The following IGSF21 variants were observed in gnomAD, a reference collection of about 807,000 sequenced individuals.
The protein encoded by IGSF21 is immunoglobin superfamily member 21.
A neutral mutation model predicts 46.8 loss-of-function variants in IGSF21; 28 were observed. The ratio of observed to expected loss-of-function variants is 0.60; its 90% CI spans 0.44 to 0.82. The LOEUF is 0.82. Among genes scored for constraint, IGSF21 ranks in the 40% least tolerant of loss-of-function variants. The pLI is 0.00. For missense variants in IGSF21, 624 were observed against 665.5 expected, an observed-to-expected ratio of 0.94 and a Z score of 0.69; for synonymous variants, 284 against 273.6, an observed-to-expected ratio of 1.04 and a Z score of -0.38.
Position 18,365,301 on chromosome 1 carries a change from C to T in IGSF21, c.619C>T (p.Gln207Ter), listed in dbSNP as rs1252479733. The part of the protein sequence containing the change: ...EPPAASSGPL[Q>*]DSRPFRSLLH... ...ACCAGCTGCGAGCTCCGGCCCCCTA[C>T]AGGACAGCAGGCCCTTCCGCAGCCT... Residue 207 changes from glutamine to a stop codon, truncating the protein, a stop_gained, in exon 6 of 10, where the codon CAG becomes TAG. Transcript: ENST00000251296. LOFTEE classifies it high-confidence loss of function. The surrounding 1 kb of genome is among the most constrained non-coding windows in gnomAD (Gnocchi z 4.8). 1 of 1,614,130 alleles carries T rather than the reference C, an allele frequency of 6.2e-7. No individual in the cohort carries two copies. The highest frequency in any genetic ancestry group is 8.5e-7 in the Non-Finnish European group (1 of 1,180,006).
intron 4 of IGSF21, among the ~76,000 whole-genome samples, chr1:18,345,547 G>A (rs1569851440): frequency 6.6e-6 from 1 of 152,092 alleles, no homozygotes; most frequent in South Asian, 2.1e-4. Flanking sequence ...ACCACGTCCA[G>A]CTAATTTTTG....
At chr1:18,235,694 G>A (rs1007398664) in intron 2 of IGSF21, among the ~76,000 whole-genome samples, 1 of 152,214 alleles carries the variant, frequency 6.6e-6, no homozygotes. Flanking sequence ...GCCCTGTGCT[G>A]TAAGAAACTG....
intron 1 of IGSF21, among the ~76,000 whole-genome samples, chr1:18,213,712 A>G (rs2084415494): frequency 1.3e-5 from 2 of 152,214 alleles, no homozygotes; most frequent in Admixed American, 1.3e-4. Flanking sequence ...TACAAGACAG[A>G]AGCTTCAGAT....
chr1:18,353,412 G>C (rs184702935), intron 4 of IGSF21, among the ~76,000 whole-genome samples: 1 of 152,002 alleles, frequency 6.6e-6, no homozygotes, highest in Non-Finnish European at 1.5e-5. Context: ...TGGAAAATAC[G>C]TATTGAGCAA....
chr1:18,354,728 G>A lies in IGSF21; in HGVS notation c.425-7387G>A, dbSNP rs547170488. Among the ~76,000 whole-genome samples, 8 of 152,292 alleles carry A rather than the reference G, an allele frequency of 5.3e-5. No individual in the cohort carries two copies. In the South Asian group the frequency reaches 1.7e-3, roughly 32 times the overall value. On this transcript the variant is annotated intron_variant, in intron 4 of 9. Coordinates refer to ENST00000251296, the MANE Select transcript of IGSF21 (RefSeq NM_032880.5). ...GTAGAGTGGTACCCAATGAGCTGGA[G>A]AGATTTTCCCTTCCTCGAGACAATG...
At chr1:18,122,193 C>CTTTCTT (rs1557546170) in intron 1 of IGSF21, among the ~76,000 whole-genome samples, 1 of 78,762 alleles carries the variant, frequency 1.3e-5, no homozygotes, top group African/African-American at 4.7e-5. Flanking sequence ...TTCTTTCTTT[C>CTTTCTT]TTTTTTTTTT....
rs370428132 is a variant in IGSF21, at chr1:18,211,026, C to T, written c.71-16872C>T. 3.3e-5 allele frequency among the ~76,000 whole-genome samples: 5 copies of T among 152,276 alleles called. 1 individual carries two copies. Reference sequence around the variant, plus strand: ...AGCTAGGTTTACAAGTGTGCACCAACACACCCAGCTAATTTTTGTGTTTTT... The same window carrying T: ...AGCTAGGTTTACAAGTGTGCACCAATACACCCAGCTAATTTTTGTGTTTTT... On this transcript the variant is annotated intron_variant, in intron 1 of 9. Coordinates refer to ENST00000251296, the MANE Select transcript of IGSF21 (RefSeq NM_032880.5).
At chr1:18,193,271 G>T (rs1435769684) in intron 1 of IGSF21, among the ~76,000 whole-genome samples, 1 of 152,182 alleles carries the variant, frequency 6.6e-6, no homozygotes, top group Non-Finnish European at 1.5e-5. Flanking sequence ...CTGGAGCTGT[G>T]GTCAGGGGCC....
intron 6 of IGSF21, among the ~76,000 whole-genome samples, chr1:18,372,586 ATGTT>A (rs1335451508): frequency 2.1e-5 from 3 of 145,704 alleles, no homozygotes; most frequent in Non-Finnish European, 4.5e-5. Context: ...ATTTGGATGG[ATGTT>A]TGGAGGGATG....
chr1:18,147,349 C>T (rs11585532), intron 1 of IGSF21, among the ~76,000 whole-genome samples: 16,060 of 151,986 alleles, frequency 0.11, 1,460 homozygotes, highest in African/African-American at 0.24. Flanking sequence ...CACTCTGGCC[C>T]GCTTGCTTTC....
intron 1 of IGSF21, among the ~76,000 whole-genome samples, chr1:18,125,863 A>G (rs1050409461): frequency 1.3e-5 from 2 of 152,258 alleles, no homozygotes; most frequent in African/African-American, 4.8e-5. Flanking sequence ...TTGATGGAAT[A>G]TCTATGTTCC....
chr1:18,198,901 C>T (rs1338335280), intron 1 of IGSF21, among the ~76,000 whole-genome samples: 3 of 152,238 alleles, frequency 2.0e-5, no homozygotes, highest in African/African-American at 7.2e-5. Flanking sequence ...AGACCTCTCC[C>T]CTGCCCCCTC....
chr1:18,350,473 C>G lies in IGSF21; in HGVS notation c.425-11642C>G, dbSNP rs113307147. ...GGGAATGAGGCCTTGATCTGCCTCA[C>G]CAAGCTCTTTACAAAGATGCAATCC... On this transcript the variant is annotated intron_variant, in intron 4 of 9. Transcript: ENST00000251296. 8.9e-4 allele frequency among the ~76,000 whole-genome samples: 135 copies of G among 152,264 alleles called. 1 individual carries two copies. Among genetic ancestry groups the G allele is most frequent in the African/African-American group, 3.0e-3 (125 of 41,540 alleles).
intron 1 of IGSF21, among the ~76,000 whole-genome samples, chr1:18,151,642 C>T (rs532564384): frequency 6.6e-6 from 1 of 152,192 alleles, no homozygotes; most frequent in African/African-American, 2.4e-5. Context: ...GAGGATTTCA[C>T]AGGATGTCTG....
chr1:18,354,559 G>C (rs553622952), intron 4 of IGSF21, among the ~76,000 whole-genome samples: 1 of 152,222 alleles, frequency 6.6e-6, no homozygotes, highest in African/African-American at 2.4e-5. Flanking sequence ...AATAGAGCAG[G>C]CATGCTGAGA....
intron 1 of IGSF21, among the ~76,000 whole-genome samples, chr1:18,138,771 G>A (rs578061129): frequency 3.9e-5 from 6 of 152,272 alleles, no homozygotes; most frequent in Admixed American, 6.5e-5. Flanking sequence ...CTGCTCCCTC[G>A]CCACCACCAT....
At chr1:18,284,449 C>T (rs1190986890) in intron 2 of IGSF21, among the ~76,000 whole-genome samples, 2 of 152,242 alleles carry the variant, frequency 1.3e-5, no homozygotes, top group African/African-American at 4.8e-5. Flanking sequence ...TGCTCATCAC[C>T]TCCCACAGTC....
intron 1 of IGSF21, among the ~76,000 whole-genome samples, chr1:18,133,146 G>C (rs1485955052): frequency 2.6e-5 from 4 of 152,366 alleles, no homozygotes; most frequent in African/African-American, 9.6e-5. Flanking sequence ...TAAAGGAAGA[G>C]GGAGGGGGAA....
chr1:18,141,434 G>C (rs2124425473), intron 1 of IGSF21, among the ~76,000 whole-genome samples: 1 of 152,286 alleles, frequency 6.6e-6, no homozygotes, highest in South Asian at 2.1e-4. Context: ...TGGTTGAGCA[G>C]GGTTGGCTGT....
Sources: gnomAD v4.1 joint callset for allele counts (sites outside exome capture counted in the v4.1 genomes callset) on GRCh38, gnomAD v4.1.1 for gene constraint, Gnocchi (gnomAD v3.1) non-coding constraint, MANE v1.5 for transcripts, NCBI Gene and HGNC (gene_info 2026-07-23, HGNC 2026-07-21) for gene names.